Variants in MYOM3 observed in about 807,000 individuals in gnomAD.
MYOM3 encodes myomesin 3.
In MYOM3, 155 loss-of-function variants were observed where a neutral mutation model predicts 191.7. The observed-to-expected ratio is 0.81, with a 90% CI of 0.71 to 0.92. The LOEUF is 0.92. Ranked by LOEUF, MYOM3 falls within the 40% of genes least tolerant of loss-of-function variation. MYOM3 has a pLI of 0.00. For synonymous variants in MYOM3, 757 were observed against 762.9 expected (o/e 0.99, Z 0.13); for missense variants, 1,889 against 1,890.6 (o/e 1.00, Z 0.02).
intron 10 of MYOM3, among the ~76,000 whole-genome samples, chr1:24,092,611 G>A (rs766988567): frequency 6.6e-6 from 1 of 152,124 alleles, no homozygotes; most frequent in Non-Finnish European, 1.5e-5. Flanking sequence ...TCTCCTGGAG[G>A]TGAGTGAGTG....
rs1367212852 is a variant in MYOM3, at chr1:24,106,077, T to A, written c.403A>T (p.Thr135Ser). The change falls in exon 5 of 37, where the codon ACA (threonine) becomes TCA (serine). Residue 135 changes from threonine to serine, a missense_variant and splice_region_variant. Coordinates refer to ENST00000374434, the MANE Select transcript of MYOM3 (RefSeq NM_152372.4). ...RRDWKTLRRRTEEKVQEAKEL... is the reference protein window; with the variant it reads ...RRDWKTLRRRSEEKVQEAKEL... The stretch of plus-strand genomic sequence containing the variant: ...TTGGCCTCCTGGACCTTCTCCTCTG[T>A]CTGGAGGCGGGAAGAGGTGTATGAC... 3.7e-6 allele frequency: 6 copies of A among 1,609,022 alleles called. No homozygotes were observed. In the South Asian group the frequency reaches 6.6e-5, roughly 18 times the overall value.
At chr1:24,073,839 G>A (rs536880409) in intron 23 of MYOM3, among the ~76,000 whole-genome samples, 2 of 146,186 alleles carry the variant, frequency 1.4e-5, no homozygotes, top group African/African-American at 5.1e-5. Context: ...TTCCAGCCTG[G>A]GCGACAGAGC....
intron 11 of MYOM3, among the ~76,000 whole-genome samples, chr1:24,091,684 G>A (rs112985673): frequency 4.4e-4 from 67 of 152,336 alleles, no homozygotes; most frequent in African/African-American, 1.5e-3. Flanking sequence ...AAAGAGATGA[G>A]GCATGCCCTT....
At chr1:24,076,338 A>G (rs1557606292) in intron 20 of MYOM3, 65 bp from the exon 21 acceptor site, 1 of 1,120,454 alleles carries the variant, frequency 8.9e-7, no homozygotes, top group South Asian at 1.2e-5. Context: ...CCTGGGCCCC[A>G]GGGAGCAGGG....
rs1465463316 is a variant in MYOM3 at position 24,068,371 on chromosome 1, A to G, written c.3151-4T>C. The stretch of plus-strand genomic sequence containing the variant: ...GGTCAAAATTGATTTTGCGGTTCTG[A>G]AAAGGACAAACTCCAGAGTCCTTTT... On this transcript the variant is annotated splice_polypyrimidine_tract_variant and splice_region_variant and intron_variant, in intron 25 of 36. Coordinates refer to ENST00000374434, the MANE Select transcript of MYOM3 (RefSeq NM_152372.4). The G allele has an allele frequency of 3.7e-6, 6 of 1,614,068 alleles. No individual in the cohort carries two copies. The highest frequency in any genetic ancestry group is 1.7e-5 in the Admixed American group (1 of 60,020).
intron 6 of MYOM3, among the ~76,000 whole-genome samples, chr1:24,098,470 C>T (rs1643890405): frequency 6.6e-6 from 1 of 152,236 alleles, no homozygotes; most frequent in Admixed American, 6.5e-5. Flanking sequence ...CAGGTGTTCC[C>T]AGTCTTAGGT....
chr1:24,081,683 C>G, intron 18 of MYOM3: 1 of 601,434 alleles, frequency 1.7e-6, no homozygotes, highest in South Asian at 2.2e-5. Context: ...CTGTGTTAGC[C>G]TCTCGAGTAG....
At chr1:24,105,442 T>C (rs1643974049) in intron 5 of MYOM3, among the ~76,000 whole-genome samples, 1 of 152,244 alleles carries the variant, frequency 6.6e-6, no homozygotes, top group African/African-American at 2.4e-5. Context: ...TCCCTGCTAC[T>C]TGGCCCCTGT....
At position 24,081,075 on chromosome 1, in the gene MYOM3, C is replaced by T. The variant is rs117308051; in HGVS notation, c.2407+255G>A. Among the ~76,000 whole-genome samples, 320 of 152,260 alleles carry T rather than the reference C, an allele frequency of 2.1e-3. 13 individuals are homozygous for T. In the East Asian group the frequency reaches 0.055, roughly 26 times the overall value. ...CTATGGCTAGAAGCAGGCAGGCTCT[C>T]GAGTTGGGAAATAGTTTGTGCTGGG... On this transcript the variant is annotated intron_variant, in intron 19 of 36. Coordinates refer to ENST00000374434, the MANE Select transcript of MYOM3 (RefSeq NM_152372.4).
chr1:24,077,478 G>A (rs1402875826), intron 20 of MYOM3, among the ~76,000 whole-genome samples: 2 of 152,062 alleles, frequency 1.3e-5, no homozygotes, highest in Non-Finnish European at 2.9e-5. Context: ...TGCTGAGTGC[G>A]CTGCCTGGAA....
Position 24,068,290 on chromosome 1 carries a change from C to T in MYOM3, c.3228G>A (p.Gly1076=), listed in dbSNP as rs1643479121. The T allele has an allele frequency of 5.0e-6, 8 of 1,614,174 alleles. No individual in the cohort carries two copies. Among genetic ancestry groups the T allele is most frequent in the Non-Finnish European group, 6.8e-6 (8 of 1,180,028 alleles). The stretch of plus-strand genomic sequence containing the variant: ...CATCTTGGAGTTGAGCGGTGTACGA[C>T]CCTTTGTCCTCCTCAGACAAGTTCT... The part of the protein sequence containing the change: ...IIQNLSEEDK[G]SYTAQLQDGK... Residue 1076 remains glycine (G), a synonymous_variant, in exon 26 of 37, where the codon GGG becomes GGA. Transcript: ENST00000374434.
intron 2 of MYOM3, 32 bp from the exon 3 acceptor site, chr1:24,108,105 T>G (rs11249170): frequency 3.1e-6 from 5 of 1,604,554 alleles, no homozygotes; most frequent in East Asian, 2.2e-5. Flanking sequence ...TAAATGGCTC[T>G]TGCAGGATTG....
intron 29 of MYOM3, among the ~76,000 whole-genome samples, chr1:24,064,515 A>G (rs1258470864): frequency 1.3e-5 from 2 of 152,102 alleles, no homozygotes; most frequent in Non-Finnish European, 2.9e-5. Context: ...GGCCTGGCCC[A>G]CCTTTCACTC....
At chr1:24,062,227 A>C in intron 32 of MYOM3, 118 bp from the exon 33 acceptor site, 1 of 988,862 alleles carries the variant, frequency 1.0e-6, no homozygotes, top group East Asian at 2.4e-5. Context: ...GGTGGTGACT[A>C]TGAGGCACCA....
intron 20 of MYOM3, among the ~76,000 whole-genome samples, chr1:24,077,540 C>A (rs1317492754): frequency 1.3e-5 from 2 of 152,204 alleles, no homozygotes; most frequent in Admixed American, 6.5e-5. Flanking sequence ...TGCTTCATCA[C>A]CCAGTTTCGG....
Position 24,108,467 on chromosome 1 carries a change from G to T in MYOM3, c.161+9C>A. On this transcript the variant is annotated intron_variant, in intron 2 of 36. Coordinates refer to ENST00000374434, the MANE Select transcript of MYOM3 (RefSeq NM_152372.4). ...GGCAGTGGCTGGGCGGGGACCCTGTGGCTCCCACCTGCTGCGGAAGGTCCG... is the reference window on the plus strand; with the variant it reads ...GGCAGTGGCTGGGCGGGGACCCTGTTGCTCCCACCTGCTGCGGAAGGTCCG... 6.5e-7 allele frequency: 1 copy of T among 1,546,480 alleles called. No homozygotes were observed. The highest frequency in any genetic ancestry group is 8.7e-7 in the Non-Finnish European group (1 of 1,144,578).
At chr1:24,074,839 C>A (rs1643576649) in intron 22 of MYOM3, among the ~76,000 whole-genome samples, 1 of 152,306 alleles carries the variant, frequency 6.6e-6, no homozygotes, top group Admixed American at 6.5e-5. Context: ...AATCCCAGCC[C>A]TTTGGGAGGC....
intron 4 of MYOM3, 108 bp from the exon 5 acceptor site, chr1:24,106,185 G>GACCGGGAACTCCA: frequency 7.9e-7 from 1 of 1,273,856 alleles, no homozygotes; most frequent in Non-Finnish European, 1.1e-6. Context: ...GACCCACATG[G>GACCGGGAACTCCA]GCTGGAGTTC....
intron 7 of MYOM3, 51 bp from the exon 8 acceptor site, chr1:24,095,537 C>A: frequency 6.4e-7 from 1 of 1,550,438 alleles, no homozygotes; most frequent in Admixed American, 1.7e-5. Flanking sequence ...GCCCACATTC[C>A]TATGCTATTT....
Sources: allele counts gnomAD v4.1 joint callset (sites outside exome capture counted in the v4.1 genomes callset), GRCh38; gene constraint gnomAD v4.1.1; transcripts MANE v1.5; gene names NCBI Gene and HGNC (gene_info 2026-07-23, HGNC 2026-07-21).